The following OPCML variants were observed in gnomAD, a reference collection of about 807,000 sequenced individuals.
The protein encoded by OPCML is opioid-binding protein/cell adhesion molecule.
Under a neutral mutation model 37.8 loss-of-function variants are expected in OPCML, and 13 were observed. The observed-to-expected ratio is 0.34, with a 90% CI of 0.22 to 0.55. The LOEUF (loss-of-function observed/expected upper bound fraction) is 0.55, where lower values mean the gene tolerates loss of function less well. Ranked by LOEUF, OPCML falls within the 20% of genes least tolerant of loss-of-function variation. The pLI, the probability that OPCML is intolerant of heterozygous loss-of-function variation, is 0.91. For synonymous variants in OPCML, 176 were observed against 168.8 expected (o/e 1.04, Z -0.33); for missense variants, 341 against 435.6 (o/e 0.78, Z 1.93).
chr11:132,950,046 T>C (rs1057488967), intron 1 of OPCML, among the ~76,000 whole-genome samples: 2 of 152,110 alleles, frequency 1.3e-5, no homozygotes, highest in African/African-American at 4.8e-5. Context: ...ATGGCAGAGG[T>C]AGCCCGCTAG....
intron 1 of OPCML, among the ~76,000 whole-genome samples, chr11:133,228,993 T>C (rs1303816653): frequency 6.6e-6 from 1 of 152,220 alleles, no homozygotes; most frequent in Non-Finnish European, 1.5e-5. Flanking sequence ...GGTAAGTTTC[T>C]GCACCTTGTG....
intron 1 of OPCML, among the ~76,000 whole-genome samples, chr11:133,389,434 A>G (rs1304233872): frequency 1.3e-5 from 2 of 152,196 alleles, no homozygotes; most frequent in Non-Finnish European, 2.9e-5. Context: ...TCGCCGGTTA[A>G]GGCATCCTCT....
At chr11:132,549,198 C>T (rs1372603162) in intron 3 of OPCML, among the ~76,000 whole-genome samples, 1 of 152,134 alleles carries the variant, frequency 6.6e-6, no homozygotes, top group Non-Finnish European at 1.5e-5. Context: ...CTCTGGTCAC[C>T]CTCACTGCTC....
intron 4 of OPCML, among the ~76,000 whole-genome samples, chr11:132,496,693 T>G (rs2096232259): frequency 2.0e-5 from 3 of 152,226 alleles, no homozygotes; most frequent in Admixed American, 2.0e-4. Context: ...ACACTCAAAA[T>G]GTACTTGCAT....
At chr11:132,902,848 C>G (rs565751218) in intron 2 of OPCML, among the ~76,000 whole-genome samples, 1 of 152,012 alleles carries the variant, frequency 6.6e-6, no homozygotes, top group Non-Finnish European at 1.5e-5. Flanking sequence ...GTCACCACAC[C>G]CAGATAGACT....
At chr11:133,269,661 C>T (rs1426826820) in intron 1 of OPCML, among the ~76,000 whole-genome samples, 2 of 152,184 alleles carry the variant, frequency 1.3e-5, no homozygotes, top group Non-Finnish European at 2.9e-5. Context: ...CTAACATCAA[C>T]AGGCTAGACA....
chr11:133,173,637 A>G lies in OPCML; in HGVS notation c.62-230627T>C, dbSNP rs1445979653. Among the ~76,000 whole-genome samples the G allele has an allele frequency of 6.6e-6, 1 of 152,178 alleles. No homozygotes were observed. Among genetic ancestry groups the G allele is most frequent in the Admixed American group, 6.5e-5 (1 of 15,278 alleles). On this transcript the variant is annotated intron_variant, in intron 1 of 7. Transcript: ENST00000524381. This position sits in a 1 kb window ranked among gnomAD's most constrained non-coding sequence, Gnocchi z 7.8. ...CCTCTCATTGCAAAAATTAGCAGTA[A>G]CGCGATGAGGCTAACGTAAGGGTAG...
chr11:133,046,535 A>G (rs1948021191), intron 1 of OPCML, among the ~76,000 whole-genome samples: 1 of 152,122 alleles, frequency 6.6e-6, no homozygotes, highest in African/African-American at 2.4e-5. Context: ...CTAACATCAG[A>G]CAGCATCATA....
In OPCML at chr11:132,421,968, A is replaced by C. The variant is rs952121102; in HGVS notation, c.917-1675T>G. Among the ~76,000 whole-genome samples the C allele has an allele frequency of 7.9e-5, 12 of 152,310 alleles. No homozygotes were observed. The East Asian group carries it at 1.7e-3, about 22-fold the overall frequency. On this transcript the variant is annotated intron_variant, in intron 7 of 7. Coordinates refer to ENST00000524381, the MANE Select transcript of OPCML (RefSeq NM_001012393.5). ...TTTATTTACATTTTTAAATAAAAAT[A>C]TGTACATAAAGCTACTTTTAAAGAA... is the stretch of plus-strand genomic sequence containing the variant.
intron 1 of OPCML, among the ~76,000 whole-genome samples, chr11:133,011,498 T>C (rs1016496429): frequency 6.6e-6 from 1 of 152,150 alleles, no homozygotes; most frequent in Admixed American, 6.5e-5. Flanking sequence ...TTACCCAGAG[T>C]TGACATGCTA....
chr11:132,565,550 G>C (rs1407372499), intron 3 of OPCML, among the ~76,000 whole-genome samples: 3 of 152,142 alleles, frequency 2.0e-5, no homozygotes, highest in Non-Finnish European at 4.4e-5. Flanking sequence ...CATGTATCAG[G>C]CTTGACATTG....
chr11:133,229,507 A>G (rs1940184331), intron 1 of OPCML, among the ~76,000 whole-genome samples: 1 of 152,182 alleles, frequency 6.6e-6, no homozygotes, highest in South Asian at 2.1e-4. Flanking sequence ...GAAGCAGAAA[A>G]ATGAACAATT....
chr11:132,729,920 T>G (rs1002390037), intron 2 of OPCML, among the ~76,000 whole-genome samples: 3 of 151,830 alleles, frequency 2.0e-5, no homozygotes, highest in Admixed American at 2.0e-4. Flanking sequence ...CAGGACAGAC[T>G]ATTCTGAGTC....
At chr11:132,912,990 TGAG>T (rs1944479107) in intron 2 of OPCML, among the ~76,000 whole-genome samples, 1 of 152,242 alleles carries the variant, frequency 6.6e-6, no homozygotes, top group Non-Finnish European at 1.5e-5. Context: ...GAATAATCCT[TGAG>T]GAGAGGCATT....
At chr11:133,035,928 G>A (rs1432122892) in intron 1 of OPCML, among the ~76,000 whole-genome samples, 1 of 149,206 alleles carries the variant, frequency 6.7e-6, no homozygotes, top group Non-Finnish European at 1.5e-5. Flanking sequence ...AGGCCTCGGA[G>A]AAACCAAACC....
intron 1 of OPCML, among the ~76,000 whole-genome samples, chr11:132,979,800 G>T (rs1222576967): frequency 6.6e-6 from 1 of 152,184 alleles, no homozygotes; most frequent in Non-Finnish European, 1.5e-5. Context: ...AGGAGAATTT[G>T]CTGGGAGAGC....
At chr11:133,319,904 C>A (rs961705046) in intron 1 of OPCML, among the ~76,000 whole-genome samples, 1 of 152,200 alleles carries the variant, frequency 6.6e-6, no homozygotes, top group African/African-American at 2.4e-5. Flanking sequence ...TCAGAAAAAA[C>A]AGAATTTTTT....
intron 2 of OPCML, among the ~76,000 whole-genome samples, chr11:132,695,537 G>T (rs1943570007): frequency 6.6e-6 from 1 of 152,182 alleles, no homozygotes; most frequent in Non-Finnish European, 1.5e-5. Context: ...GGGGTTTCAT[G>T]ACCAGGCTGA....
intron 2 of OPCML, among the ~76,000 whole-genome samples, chr11:132,851,767 A>G (rs1356175118): frequency 2.0e-5 from 3 of 152,222 alleles, no homozygotes; most frequent in Admixed American, 6.5e-5. Flanking sequence ...AGAAAGGTTG[A>G]GTGTCTTGCC....
Sources: allele counts gnomAD v4.1 joint callset (sites outside exome capture counted in the v4.1 genomes callset), GRCh38; gene constraint gnomAD v4.1.1; non-coding constraint Gnocchi (gnomAD v3.1); transcripts MANE v1.5; gene names NCBI Gene and HGNC (gene_info 2026-07-23, HGNC 2026-07-21).